Variants in ATP9A observed in about 807,000 individuals in gnomAD.
ATP9A encodes the protein ATPase phospholipid transporting 9A.
A neutral mutation model predicts 144.1 loss-of-function variants in ATP9A; 52 were observed. The ratio of observed to expected loss-of-function variants is 0.36; its 90% CI spans 0.29 to 0.45. The LOEUF is 0.45. Ranked by LOEUF, ATP9A falls within the 20% of genes least tolerant of loss-of-function variation. ATP9A has a pLI of 1.00. For synonymous variants in ATP9A, 582 were observed against 557.4 expected, an observed-to-expected ratio of 1.04 and a Z score of -0.62; for missense variants, 947 against 1,392.7, an observed-to-expected ratio of 0.68 and a Z score of 5.09.
intron 14 of ATP9A, among the ~76,000 whole-genome samples, chr20:51,656,472 G>A (rs376541299): frequency 8.5e-5 from 13 of 152,210 alleles, no homozygotes; most frequent in African/African-American, 1.4e-4. Flanking sequence ...AGAATCGCTC[G>A]AACCCCAGAG....
intron 27 of ATP9A, among the ~76,000 whole-genome samples, chr20:51,601,751 C>T (rs1194720978): frequency 1.3e-5 from 2 of 151,968 alleles, no homozygotes; most frequent in African/African-American, 4.8e-5. Flanking sequence ...ACAAAAAATA[C>T]AAAAACTAGC....
chr20:51,678,658 G>A (rs1010273506), intron 9 of ATP9A, among the ~76,000 whole-genome samples: 1 of 152,166 alleles, frequency 6.6e-6, no homozygotes. Flanking sequence ...ACCGAGCCCG[G>A]GCTGAGCTTG....
At chr20:51,754,375 T>C (rs1475140863) in intron 1 of ATP9A, among the ~76,000 whole-genome samples, 1 of 152,004 alleles carries the variant, frequency 6.6e-6, no homozygotes, top group Non-Finnish European at 1.5e-5. Context: ...TGGTGGTGCA[T>C]GCCTGTAATC....
chr20:51,736,778 C>CAAAATATAACAAAATAT (rs1273931014), intron 1 of ATP9A, among the ~76,000 whole-genome samples: 1 of 150,772 alleles, frequency 6.6e-6, no homozygotes, highest in Non-Finnish European at 1.5e-5. Flanking sequence ...ATATTAACAA[C>CAAAATATAACAAAATAT]AACAAAAAAA....
At chr20:51,721,137 A>G (rs1361998288) in intron 3 of ATP9A, among the ~76,000 whole-genome samples, 1 of 152,236 alleles carries the variant, frequency 6.6e-6, no homozygotes, top group Non-Finnish European at 1.5e-5. Context: ...TTGTCTGATA[A>G]CATGGCACGT....
rs1201935906 is a variant in ATP9A, at chr20:51,661,099, G to A, written c.1294-3949C>T. Among the ~76,000 whole-genome samples the A allele has an allele frequency of 2.0e-5, 3 of 152,110 alleles. No homozygotes were observed. The East Asian group carries it at 5.8e-4, about 29-fold the overall frequency. On this transcript the variant is annotated intron_variant, in intron 13 of 27. Transcript: ENST00000338821. Reference sequence around the variant, plus strand: ...GGGCGGGTGTCTCGAATCCTATAAAGCCCCTGAGTCATTTATAGCATCCCA... The same window carrying A: ...GGGCGGGTGTCTCGAATCCTATAAAACCCCTGAGTCATTTATAGCATCCCA...
intron 14 of ATP9A, among the ~76,000 whole-genome samples, chr20:51,649,391 T>C (rs530681283): frequency 8.5e-5 from 13 of 152,306 alleles, no homozygotes; most frequent in African/African-American, 3.1e-4. Flanking sequence ...CTTAGCCAAC[T>C]TACACTTCAT....
rs372397726 is a variant in ATP9A at position 51,642,454 on chromosome 20, G to A, written c.1507-2950C>T. 1.8e-4 allele frequency among the ~76,000 whole-genome samples: 28 copies of A among 152,022 alleles called. 2 individuals carry two copies. Among genetic ancestry groups the A allele is most frequent in the East Asian group, 5.8e-4 (3 of 5,170 alleles). ...GATTACAGCCATGGGCCACCGCACC[G>A]GCCAGCATCTGTTTTAAAATGAAAC... On this transcript the variant is annotated intron_variant, in intron 14 of 27. Transcript: ENST00000338821.
intron 3 of ATP9A, 100 bp from the exon 4 acceptor site, chr20:51,713,174 C>G: frequency 1.0e-6 from 1 of 1,003,298 alleles, no homozygotes; most frequent in Non-Finnish European, 1.5e-6. Context: ...CGAGAGGTCA[C>G]TTGGGAGGGC....
At chr20:51,662,395 A>C (rs577019640) in intron 13 of ATP9A, among the ~76,000 whole-genome samples, 42 of 152,020 alleles carry the variant, frequency 2.8e-4, no homozygotes, top group African/African-American at 1.0e-3. Flanking sequence ...AGATACAAAA[A>C]TTAGCTGGGC....
intron 7 of ATP9A, 99 bp downstream of exon 7, chr20:51,693,909 T>C (rs2122823093): frequency 9.3e-7 from 1 of 1,079,766 alleles, no homozygotes; most frequent in East Asian, 2.4e-5. Context: ...TGGCCCCACT[T>C]CACAAGTTGC....
At chr20:51,711,891 C>T (rs184561588) in intron 4 of ATP9A, among the ~76,000 whole-genome samples, 176 of 136,804 alleles carry the variant, frequency 1.3e-3, no homozygotes, top group African/African-American at 4.7e-3. Context: ...GAGTTTCCCT[C>T]GTCACCCAGG....
At chr20:51,625,706 A>C (rs1466462790) in intron 17 of ATP9A, among the ~76,000 whole-genome samples, 1 of 152,202 alleles carries the variant, frequency 6.6e-6, no homozygotes, top group Non-Finnish European at 1.5e-5. Context: ...ATCTCAAAAA[A>C]ACAGTAAGTT....
chr20:51,634,299 G>A (rs2426330), intron 15 of ATP9A, among the ~76,000 whole-genome samples: 111,092 of 152,024 alleles, frequency 0.73, 42,222 homozygotes, highest in Middle Eastern at 0.84. Flanking sequence ...CAAAATTAAA[G>A]TAATTCGATA....
At chr20:51,757,735 T>C (rs192890752) in intron 1 of ATP9A, among the ~76,000 whole-genome samples, 1 of 151,994 alleles carries the variant, frequency 6.6e-6, no homozygotes, top group East Asian at 1.9e-4. Flanking sequence ...AGAAACCCCA[T>C]CTCTATAAAA....
chr20:51,709,588 C>T (rs536421430), intron 4 of ATP9A, among the ~76,000 whole-genome samples: 129 of 152,200 alleles, frequency 8.5e-4, no homozygotes, highest in African/African-American at 2.6e-3. Context: ...TTTAGCAGGG[C>T]GTGGTGGTGT....
chr20:51,662,750 C>T (rs916668529), intron 13 of ATP9A, among the ~76,000 whole-genome samples: 2 of 152,060 alleles, frequency 1.3e-5, no homozygotes, highest in East Asian at 3.9e-4. Context: ...ACCAGGAAGG[C>T]TTCTCAGAAT....
intron 14 of ATP9A, among the ~76,000 whole-genome samples, chr20:51,650,588 T>A (rs2077359946): frequency 6.6e-6 from 1 of 151,138 alleles, no homozygotes; most frequent in Non-Finnish European, 1.5e-5. Flanking sequence ...AGCGTGAGGG[T>A]AATTCTAATA....
At chr20:51,628,550 T>C (rs192172145) in intron 16 of ATP9A, among the ~76,000 whole-genome samples, 1 of 152,240 alleles carries the variant, frequency 6.6e-6, no homozygotes, top group African/African-American at 2.4e-5. Context: ...GTTGCCAGGC[T>C]GTGAGTGGCC....
Sources: allele counts gnomAD v4.1 joint callset (sites outside exome capture counted in the v4.1 genomes callset), GRCh38; gene constraint gnomAD v4.1.1; transcripts MANE v1.5; gene names NCBI Gene and HGNC (gene_info 2026-07-23, HGNC 2026-07-21).